The following CNKSR2 variants were observed in gnomAD, a reference collection of about 807,000 sequenced individuals.
CNKSR2 encodes CNK homolog protein 2.
CNKSR2 carries 14 observed loss-of-function variants against 84.4 expected under a neutral mutation model. The observed-to-expected ratio is 0.17, with a 90% CI of 0.11 to 0.26. CNKSR2 has a LOEUF of 0.26. CNKSR2 is among the 10% of genes least tolerant of loss of function. CNKSR2 has a pLI of 1.00. For synonymous variants in CNKSR2, 275 were observed against 277.9 expected (o/e 0.99, Z 0.10); for missense variants, 485 against 771.2 (o/e 0.63, Z 4.40).
chrX:21,430,187 G>C (rs1183545636), intron 2 of CNKSR2, among the ~76,000 whole-genome samples: 1 of 110,907 alleles, frequency 9.0e-6, no homozygotes, highest in African/African-American at 3.3e-5. Context: ...TCTATTCTGC[G>C]TAATATATTT....
intron 1 of CNKSR2, among the ~76,000 whole-genome samples, chrX:21,394,788 G>A (rs1255003446): frequency 8.9e-6 from 1 of 111,837 alleles, no homozygotes; most frequent in Non-Finnish European, 1.9e-5. Flanking sequence ...ATTATACATA[G>A]TGATCAAAAT....
intron 4 of CNKSR2, among the ~76,000 whole-genome samples, chrX:21,449,746 ATC>A (rs746317385): frequency 2.0e-4 from 22 of 112,014 alleles, no homozygotes; most frequent in Non-Finnish European, 9.4e-5. Context: ...ATTGCTGGTC[ATC>A]ATGGCAGAGG....
intron 9 of CNKSR2, among the ~76,000 whole-genome samples, chrX:21,520,618 G>T (rs747930258): frequency 9.1e-6 from 1 of 109,677 alleles, no homozygotes; most frequent in South Asian, 3.9e-4. Context: ...AGAATTATCT[G>T]GACACTGCCA....
chrX:21,501,652 G>T (rs2091561384), intron 8 of CNKSR2, 64 bp downstream of exon 8: 1 of 537,990 alleles, frequency 1.9e-6, no homozygotes, highest in African/African-American at 2.4e-5. Flanking sequence ...AGCTTTAAAA[G>T]AATGCCAATG....
At chrX:21,426,443 T>G in intron 1 of CNKSR2, 54 bp from the exon 2 acceptor site, 1 of 1,095,378 alleles carries the variant, frequency 9.1e-7, no homozygotes, top group Non-Finnish European at 1.3e-6. Context: ...ACCCTTCACA[T>G]TTATTTGGTT....
chrX:21,532,000 A>G lies in CNKSR2; in HGVS notation c.1236A>G (p.Leu412=), dbSNP rs1455582488. ...ATATTGTCGAAGAAGATACTGTCTT[A>G]TATTGCTATGAATATGAAAAAGGAA... ...RFNIVEEDTV[L]YCYEYEKGRS... is the part of the protein sequence containing the mutation. The change falls in exon 11 of 22, where the codon TTA becomes TTG. Residue 412 remains leucine (L), a synonymous_variant. Coordinates refer to ENST00000379510, the MANE Select transcript of CNKSR2 (RefSeq NM_014927.5). The G allele has an allele frequency of 3.3e-6, 4 of 1,202,176 alleles. No individual in the cohort carries two copies. Among genetic ancestry groups the G allele is most frequent in the Non-Finnish European group, 4.5e-6 (4 of 888,890 alleles).
intron 8 of CNKSR2, among the ~76,000 whole-genome samples, chrX:21,511,949 A>G (rs1303038230): frequency 9.0e-6 from 1 of 111,410 alleles, no homozygotes; most frequent in Non-Finnish European, 1.9e-5. Flanking sequence ...TAGACCCTCA[A>G]GGATGGGTTA....
rs1442355363 is a variant in CNKSR2, at chrX:21,609,167, G to A, written c.2242G>A (p.Glu748Lys). The A allele has an allele frequency of 8.3e-7, 1 of 1,209,568 alleles. No individual in the cohort carries two copies. Among genetic ancestry groups the A allele is most frequent in the African/African-American group, 1.8e-5 (1 of 57,028 alleles). Reference sequence around the variant, plus strand: ...GTCTTCTCATGAGGAGTTTCGCCAGGAAGTAACTGGGAGCAGTGCAGTGTC... The same window carrying A: ...GTCTTCTCATGAGGAGTTTCGCCAGAAAGTAACTGGGAGCAGTGCAGTGTC... Reference protein sequence around the residue: ...SQSSHEEFRQEVTGSSAVSPI... With the variant: ...SQSSHEEFRQKVTGSSAVSPI... Residue 748 changes from glutamate to lysine, a missense_variant, in exon 20 of 22, where the codon GAA becomes AAA. Around this residue, in one of 5 missense-constraint regions of CNKSR2, gnomAD observed 210 missense variants for 291.5 expected, o/e 0.72. Transcript: ENST00000379510.
rs775237402 is a variant in CNKSR2 at position 21,535,243 on chromosome X, T to A, written c.1303+3176T>A. The stretch of plus-strand genomic sequence containing the variant: ...TCTGTTTGATTGGGCTGTGTGTCTG[T>A]TTTTATACCAGTGCAATGCTGATTT... On this transcript the variant is annotated intron_variant, in intron 11 of 21. Coordinates refer to ENST00000379510, the MANE Select transcript of CNKSR2 (RefSeq NM_014927.5). Among the ~76,000 whole-genome samples, 4 of 111,692 alleles carry A rather than the reference T, an allele frequency of 3.6e-5. No homozygotes were observed. The South Asian group carries it at 1.5e-3, about 42-fold the overall frequency.
intron 20 of CNKSR2, chrX:21,641,991 G>A (rs2092693144): frequency 1.3e-6 from 1 of 760,013 alleles, no homozygotes; most frequent in Admixed American, 8.6e-5. Context: ...CAGGAAAAGA[G>A]AGGGATCAGC....
chrX:21,580,295 C>G (rs2092345817), intron 13 of CNKSR2, among the ~76,000 whole-genome samples: 1 of 111,285 alleles, frequency 9.0e-6, no homozygotes, highest in Admixed American at 9.6e-5. Flanking sequence ...TGAAAAAAGT[C>G]TCTAAATCAA....
intron 5 of CNKSR2, among the ~76,000 whole-genome samples, chrX:21,473,554 A>C (rs2147149074): frequency 9.2e-6 from 1 of 108,604 alleles, no homozygotes; most frequent in Non-Finnish European, 1.9e-5. Flanking sequence ...AGCTGAATCA[A>C]GTGATGTTTT....
intron 11 of CNKSR2, among the ~76,000 whole-genome samples, chrX:21,542,397 G>T (rs1469585910): frequency 2.7e-5 from 3 of 112,032 alleles, no homozygotes; most frequent in Non-Finnish European, 5.6e-5. Flanking sequence ...AGATTTAATG[G>T]TAAGACATTG....
rs747862081 is a variant in CNKSR2 at position 21,537,255 on chromosome X, T to C, written c.1303+5188T>C. On this transcript the variant is annotated intron_variant, in intron 11 of 21. Coordinates refer to ENST00000379510, the MANE Select transcript of CNKSR2 (RefSeq NM_014927.5). Reference sequence around the variant, plus strand: ...AGATACTTGATAGAATTTCAATTTTTAAAATTTGTTGAAACTTGTGGCCTA... The same window carrying C: ...AGATACTTGATAGAATTTCAATTTTCAAAATTTGTTGAAACTTGTGGCCTA... 4.5e-5 allele frequency among the ~76,000 whole-genome samples: 5 copies of C among 111,982 alleles called. No homozygotes were observed. In the East Asian group the frequency reaches 1.4e-3, roughly 31 times the overall value.
chrX:21,648,256 A>G (rs887617112), intron 20 of CNKSR2, among the ~76,000 whole-genome samples: 1 of 111,849 alleles, frequency 8.9e-6, no homozygotes, highest in Non-Finnish European at 1.9e-5. Context: ...CATGAAACCT[A>G]GTAATCCTCT....
chrX:21,600,674 T>C (rs1391834819), intron 17 of CNKSR2, among the ~76,000 whole-genome samples: 2 of 112,323 alleles, frequency 1.8e-5, no homozygotes, highest in Non-Finnish European at 3.8e-5. Context: ...TAACTTACAA[T>C]TGCTCATGAA....
chrX:21,382,098 A>G, intron 1 of CNKSR2, among the ~76,000 whole-genome samples: 1 of 111,779 alleles, frequency 8.9e-6, no homozygotes, highest in African/African-American at 3.3e-5. Context: ...TTATTCACAG[A>G]TTACTGGTCT....
chrX:21,429,573 T>C (rs2090607946), intron 2 of CNKSR2: 1 of 111,433 alleles, frequency 9.0e-6, no homozygotes, highest in Non-Finnish European at 1.9e-5. Flanking sequence ...AGAAGGTATC[T>C]GTATTGGTAG....
chrX:21,581,992 G>A lies in CNKSR2; in HGVS notation c.1609-8580G>A, dbSNP rs1331770379. On this transcript the variant is annotated intron_variant, in intron 13 of 21. Coordinates refer to ENST00000379510, the MANE Select transcript of CNKSR2 (RefSeq NM_014927.5). ...GGCTGGATCCATGATTTTCTCATCA[G>A]TATTGACACAGGGTTTTCTAATTGA... 2.7e-5 allele frequency among the ~76,000 whole-genome samples: 3 copies of A among 111,747 alleles called. No homozygotes were observed. In the Admixed American group the frequency reaches 2.8e-4, roughly 11 times the overall value.
Sources: gnomAD v4.1 joint callset for allele counts (sites outside exome capture counted in the v4.1 genomes callset) on GRCh38, gnomAD v4.1.1 for gene constraint, gnomAD v4.1.1 regional missense constraint, MANE v1.5 for transcripts, NCBI Gene and HGNC (gene_info 2026-07-23, HGNC 2026-07-21) for gene names.